CALN1: variants seen among roughly 807,000 people sequenced by gnomAD.
CALN1 encodes calcium-binding protein 8.
Under a neutral mutation model 30.6 loss-of-function variants are expected in CALN1, and 17 were observed. The observed-to-expected ratio is 0.56, with a 90% CI of 0.38 to 0.83. CALN1 has a LOEUF of 0.83. Ranked by LOEUF, CALN1 falls within the 40% of genes least tolerant of loss-of-function variation. The pLI is 0.00. For missense variants in CALN1, 291 were observed against 354.9 expected (o/e 0.82, Z 1.45); for synonymous variants, 156 against 131.4 (o/e 1.19, Z -1.28).
chr7:71,922,187 A>T (rs1043368710), intron 5 of CALN1, among the ~76,000 whole-genome samples: 2 of 152,200 alleles, frequency 1.3e-5, no homozygotes, highest in African/African-American at 4.8e-5. Context: ...AATTGAAAGT[A>T]AAATGGATTC....
intron 5 of CALN1, among the ~76,000 whole-genome samples, chr7:72,017,757 G>C (rs1456232482): frequency 6.6e-6 from 1 of 152,124 alleles, no homozygotes; most frequent in Non-Finnish European, 1.5e-5. Context: ...AATTAGTGAA[G>C]TCTTCATGAA....
intron 5 of CALN1, among the ~76,000 whole-genome samples, chr7:71,957,014 TGA>T (rs1796995230): frequency 6.6e-6 from 1 of 152,096 alleles, no homozygotes; most frequent in Non-Finnish European, 1.5e-5. Flanking sequence ...TTTATTTTTT[TGA>T]TAGTCAATCC....
At chr7:71,794,827 T>C (rs1463420675) in intron 6 of CALN1, among the ~76,000 whole-genome samples, 2 of 141,206 alleles carry the variant, frequency 1.4e-5, no homozygotes, top group South Asian at 4.5e-4. Flanking sequence ...AGACTCACCT[T>C]TCCCTTCCTG....
In CALN1 at chr7:71,938,943, C is replaced by CTTCATCATCAATTCAATGCA. The variant is rs373063984; in HGVS notation, c.501+84694_501+84713dup. Among the ~76,000 whole-genome samples, 97 of 152,174 alleles carry CTTCATCATCAATTCAATGCA rather than the reference C, an allele frequency of 6.4e-4. 1 individual carries two copies. Among genetic ancestry groups the CTTCATCATCAATTCAATGCA allele is most frequent in the African/African-American group, 2.2e-3 (93 of 41,524 alleles). On this transcript the variant is annotated intron_variant, in intron 5 of 6. Transcript: ENST00000395275. ...GCACTAAATCAATGCTTGTCAATGC[C>CTTCATCATCAATTCAATGCA]TTCATCATCAATTCAATGCATTCAG...
At chr7:72,201,316 C>T (rs1406635812) in intron 3 of CALN1, among the ~76,000 whole-genome samples, 1 of 152,114 alleles carries the variant, frequency 6.6e-6, no homozygotes, top group Non-Finnish European at 1.5e-5. Context: ...GTGCAGGGCA[C>T]GGTGGCTCAC....
At chr7:72,360,821 C>T (rs1388956250) in intron 2 of CALN1, among the ~76,000 whole-genome samples, 3 of 151,654 alleles carry the variant, frequency 2.0e-5, no homozygotes, top group African/African-American at 4.8e-5. Context: ...CTCCGCCTCC[C>T]GGATTCAAGC....
chr7:72,234,399 G>C (rs937948549), intron 3 of CALN1, among the ~76,000 whole-genome samples: 3 of 152,052 alleles, frequency 2.0e-5, no homozygotes, highest in African/African-American at 7.2e-5. Context: ...AATATTGTTG[G>C]CTTTGTTATT....
Position 71,882,551 on chromosome 7 carries a change from C to T in CALN1, c.502-72059G>A, listed in dbSNP as rs757485551. Among the ~76,000 whole-genome samples, 3 of 152,172 alleles carry T rather than the reference C, an allele frequency of 2.0e-5. No homozygotes were observed. The East Asian group carries it at 5.8e-4, about 29-fold the overall frequency. ...CGTTAGCACTGTGGCTTTAGCCACA[C>T]TAGCCATCTTGCAAATCCTGGATAC... On this transcript the variant is annotated intron_variant, in intron 5 of 6. Coordinates refer to ENST00000395275, the MANE Select transcript of CALN1 (RefSeq NM_031468.4).
intron 3 of CALN1, among the ~76,000 whole-genome samples, chr7:72,137,064 G>A (rs1015291396): frequency 6.6e-6 from 1 of 152,174 alleles, no homozygotes; most frequent in African/African-American, 2.4e-5. Flanking sequence ...AGGTCAGAGA[G>A]CCCTTCTCTC....
intron 4 of CALN1, among the ~76,000 whole-genome samples, chr7:72,054,518 T>TAC (rs34730294): frequency 0.42 from 51,934 of 123,248 alleles, 13,125 homozygotes; most frequent in East Asian, 0.96. Context: ...TACATATATA[T>TAC]ACATATATAC....
intron 2 of CALN1, among the ~76,000 whole-genome samples, chr7:72,302,786 T>C (rs927670409): frequency 1.4e-5 from 2 of 144,232 alleles, no homozygotes; most frequent in South Asian, 4.5e-4. Context: ...TCCCAGCTAC[T>C]AGGGAGACTG....
chr7:72,370,795 C>T (rs542923241), intron 2 of CALN1, among the ~76,000 whole-genome samples: 57 of 151,702 alleles, frequency 3.8e-4, no homozygotes, highest in African/African-American at 1.3e-3. Context: ...GCCTATAATC[C>T]CAGCACTTTG....
intron 4 of CALN1, among the ~76,000 whole-genome samples, chr7:72,075,477 C>T (rs972550900): frequency 6.6e-6 from 1 of 152,206 alleles, no homozygotes; most frequent in African/African-American, 2.4e-5. Context: ...TTGGAACTTA[C>T]CTAGTTTACT....
At chr7:72,023,603 G>A (rs1213817594) in intron 5 of CALN1, 54 bp downstream of exon 5, 1 of 1,331,430 alleles carries the variant, frequency 7.5e-7, no homozygotes, top group East Asian at 2.3e-5. Flanking sequence ...TCAAAAGTTA[G>A]TCTCAGACAC....
chr7:72,494,214 TG>T, the CALN1 span, among the ~76,000 whole-genome samples: 1 of 152,076 alleles, frequency 6.6e-6, no homozygotes, highest in Non-Finnish European at 1.5e-5. Flanking sequence ...CCGTGGAACT[TG>T]GAACAACTCT....
chr7:71,791,967 C>T (rs541764510), intron 6 of CALN1, among the ~76,000 whole-genome samples: 12 of 151,948 alleles, frequency 7.9e-5, no homozygotes, highest in African/African-American at 1.9e-4. Context: ...GCCGAGATCG[C>T]GCCACTGCAC....
At chr7:72,385,918 T>G (rs2129561118) in intron 2 of CALN1, among the ~76,000 whole-genome samples, 1 of 152,336 alleles carries the variant, frequency 6.6e-6, no homozygotes, top group East Asian at 1.9e-4. Flanking sequence ...TTACCCAGTC[T>G]TGGGTAGTTC....
intron 3 of CALN1, among the ~76,000 whole-genome samples, chr7:72,244,989 G>A (rs373887024): frequency 3.3e-5 from 5 of 152,090 alleles, no homozygotes; most frequent in African/African-American, 1.2e-4. Context: ...ACATCATCAG[G>A]CATCCTACAT....
At chr7:72,487,395 TAGAG>T in the CALN1 span, among the ~76,000 whole-genome samples, 15 of 151,466 alleles carry the variant, frequency 9.9e-5, no homozygotes, top group Non-Finnish European at 1.9e-4. Flanking sequence ...AATGAGAAAA[TAGAG>T]AGGTGGCCAG....
Sources: allele counts gnomAD v4.1 joint callset (sites outside exome capture counted in the v4.1 genomes callset), GRCh38; gene constraint gnomAD v4.1.1; transcripts MANE v1.5; gene names NCBI Gene and HGNC (gene_info 2026-07-23, HGNC 2026-07-21).